Variants in HPSE2 observed in about 807,000 individuals in gnomAD.
HPSE2 encodes heparanase 2 (inactive).
In HPSE2, 38 loss-of-function variants were observed where a neutral mutation model predicts 60.5. The observed-to-expected ratio is 0.63, with a 90% CI of 0.48 to 0.82. The LOEUF is 0.82. Ranked by LOEUF, HPSE2 falls within the 40% of genes least tolerant of loss-of-function variation. The pLI, the probability that HPSE2 is intolerant of heterozygous loss-of-function variation, is 0.00. For synonymous variants in HPSE2, 295 were observed against 293.2 expected (o/e 1.01, Z -0.06); for missense variants, 713 against 740.4 (o/e 0.96, Z 0.43).
intron 3 of HPSE2, among the ~76,000 whole-genome samples, chr10:98,945,854 T>C (rs924187647): frequency 2.0e-5 from 3 of 152,186 alleles, no homozygotes; most frequent in Admixed American, 1.3e-4. Flanking sequence ...CTGTTCACAT[T>C]GCAATATTTC....
intron 6 of HPSE2, among the ~76,000 whole-genome samples, chr10:98,656,725 C>T (rs967208115): frequency 1.3e-5 from 2 of 151,826 alleles, no homozygotes; most frequent in African/African-American, 2.4e-5. Context: ...CAAACTTATA[C>T]CCCATCTCTC....
intron 2 of HPSE2, among the ~76,000 whole-genome samples, chr10:99,172,510 G>T (rs1170404497): frequency 6.6e-6 from 1 of 152,160 alleles, no homozygotes; most frequent in Non-Finnish European, 1.5e-5. Context: ...ATATAAAGAT[G>T]AATAAATATT....
At chr10:98,464,205 G>A (rs961531519) in intron 11 of HPSE2, among the ~76,000 whole-genome samples, 6 of 152,174 alleles carry the variant, frequency 3.9e-5, no homozygotes, top group African/African-American at 1.4e-4. Context: ...ATTTAAAACT[G>A]TTCTTCAATT....
chr10:98,583,852 A>G (rs1944868665), intron 9 of HPSE2, among the ~76,000 whole-genome samples: 1 of 152,196 alleles, frequency 6.6e-6, no homozygotes, highest in Non-Finnish European at 1.5e-5. Flanking sequence ...TTTTATTGCT[A>G]AATAATATTC....
intron 9 of HPSE2, among the ~76,000 whole-genome samples, chr10:98,593,669 G>A (rs894128835): frequency 9.2e-5 from 14 of 152,136 alleles, no homozygotes; most frequent in African/African-American, 3.4e-4. Flanking sequence ...GCTTCATAGA[G>A]TTTAGAGGTG....
At chr10:98,583,490 T>G (rs1157470442) in intron 9 of HPSE2, among the ~76,000 whole-genome samples, 1 of 152,212 alleles carries the variant, frequency 6.6e-6, no homozygotes, top group Non-Finnish European at 1.5e-5. Context: ...AATACAAGTT[T>G]TACCTAGAAA....
At chr10:98,587,754 T>G (rs1944977549) in intron 9 of HPSE2, among the ~76,000 whole-genome samples, 1 of 152,214 alleles carries the variant, frequency 6.6e-6, no homozygotes, top group African/African-American at 2.4e-5. Flanking sequence ...CTTCAGAACC[T>G]TCTTTGACCT....
At chr10:98,981,631 A>G (rs1241956016) in intron 3 of HPSE2, among the ~76,000 whole-genome samples, 1 of 152,140 alleles carries the variant, frequency 6.6e-6, no homozygotes, top group Non-Finnish European at 1.5e-5. Context: ...CTGAAATTTA[A>G]TAACTCTATT....
At chr10:99,119,984 A>T (rs1447216951) in intron 3 of HPSE2, among the ~76,000 whole-genome samples, 1 of 152,228 alleles carries the variant, frequency 6.6e-6, no homozygotes, top group African/African-American at 2.4e-5. Context: ...CACAAAACTT[A>T]AAAACCCTGG....
intron 3 of HPSE2, among the ~76,000 whole-genome samples, chr10:99,084,552 A>T (rs1243164641): frequency 1.3e-5 from 2 of 152,154 alleles, no homozygotes; most frequent in Admixed American, 6.5e-5. Context: ...TTCTGCAAAC[A>T]ACGCCACAGT....
chr10:98,741,286 G>A (rs1949490169), intron 4 of HPSE2, among the ~76,000 whole-genome samples: 1 of 151,786 alleles, frequency 6.6e-6, no homozygotes, highest in African/African-American at 2.4e-5. Context: ...CAATGACAGT[G>A]CCCTTTCTCC....
chr10:99,158,054 T>C lies in HPSE2; in HGVS notation c.449-13655A>G, dbSNP rs1589749553. Among the ~76,000 whole-genome samples the C allele has an allele frequency of 2.8e-5, 4 of 144,548 alleles. No individual in the cohort carries two copies. The South Asian group carries it at 9.8e-4, about 35-fold the overall frequency. The allele number at this position is 144,548 out of a possible 152,430, so 94.8% of individuals were successfully genotyped here. On this transcript the variant is annotated intron_variant, in intron 2 of 11. Transcript: ENST00000370552. ...AATGCAAATCAAAACCACAATGAGA[T>C]ACCATCTCACACCAGTTAGAATGGC...
At chr10:99,313,978 T>C in the HPSE2 span, among the ~76,000 whole-genome samples, 1 of 152,104 alleles carries the variant, frequency 6.6e-6, no homozygotes, top group South Asian at 2.1e-4. Flanking sequence ...AGAAATCTTT[T>C]AAGTGAATAG....
At chr10:98,582,078 C>T (rs957261511) in intron 9 of HPSE2, among the ~76,000 whole-genome samples, 2 of 152,312 alleles carry the variant, frequency 1.3e-5, no homozygotes, top group Non-Finnish European at 2.9e-5. Flanking sequence ...ACTACATCCT[C>T]CTGCACTTAA....
chr10:98,459,522 G>A lies in HPSE2; in HGVS notation c.*52C>T, dbSNP rs1165561460. ...AAACAGAGGATACTACTGGAGTGGA[G>A]GAGTGGAAGCAGCCCAGCAGGCCCA... On this transcript the variant is annotated 3_prime_UTR_variant, in exon 12 of 12. Transcript: ENST00000370552. 1.3e-5 allele frequency: 21 copies of A among 1,579,268 alleles called. No individual in the cohort carries two copies. The highest frequency in any genetic ancestry group is 1.7e-4 in the Middle Eastern group (1 of 5,998).
intron 2 of HPSE2, among the ~76,000 whole-genome samples, chr10:99,222,568 T>C (rs1849348883): frequency 1.3e-5 from 2 of 152,224 alleles, no homozygotes; most frequent in Admixed American, 1.3e-4. Context: ...TTTTTTCAAA[T>C]ATTCTCAAAA....
At chr10:98,570,123 G>C (rs1944453154) in intron 9 of HPSE2, among the ~76,000 whole-genome samples, 1 of 152,176 alleles carries the variant, frequency 6.6e-6, no homozygotes, top group Non-Finnish European at 1.5e-5. Flanking sequence ...CCTCCTGGCA[G>C]GTGGAATCCT....
intron 2 of HPSE2, among the ~76,000 whole-genome samples, chr10:99,222,838 T>C (rs1455579262): frequency 6.6e-6 from 1 of 152,212 alleles, no homozygotes; most frequent in Non-Finnish European, 1.5e-5. Context: ...CTGTTTTACC[T>C]AACAACTATT....
At chr10:99,236,937 T>C (rs1256254369), upstream of HPSE2, among the ~76,000 whole-genome samples, 2 of 152,128 alleles carry the variant, frequency 1.3e-5, no homozygotes, top group African/African-American at 4.8e-5. Flanking sequence ...TGCAGGGAAG[T>C]GCGCCTTTAC....
Sources: allele counts gnomAD v4.1 joint callset (sites outside exome capture counted in the v4.1 genomes callset), GRCh38; gene constraint gnomAD v4.1.1; transcripts MANE v1.5; gene names NCBI Gene and HGNC (gene_info 2026-07-23, HGNC 2026-07-21).